The following MKLN1 variants were observed in gnomAD, a reference collection of about 807,000 sequenced individuals.
The protein encoded by MKLN1 is muskelin.
MKLN1 carries 18 observed loss-of-function variants against 99.0 expected under a neutral mutation model. The ratio of observed to expected loss-of-function variants is 0.18; its 90% CI spans 0.13 to 0.27. The LOEUF (loss-of-function observed/expected upper bound fraction) is 0.27, where lower values mean the gene tolerates loss of function less well. Among genes scored for constraint, MKLN1 ranks in the 10% least tolerant of loss-of-function variants. The probability of loss-of-function intolerance (pLI) is 1.00; values close to 1 mark genes in which losing one functional copy is unlikely to be tolerated. For synonymous variants in MKLN1, 288 were observed against 293.2 expected (o/e 0.98, Z 0.18); for missense variants, 621 against 875.9 (o/e 0.71, Z 3.67).
intron 8 of MKLN1, among the ~76,000 whole-genome samples, chr7:131,428,399 C>T (rs1435059419): frequency 6.6e-6 from 1 of 151,998 alleles, no homozygotes; most frequent in Non-Finnish European, 1.5e-5. Context: ...AAAATTTCTC[C>T]CAGTTTTTAT....
At position 131,280,679 on chromosome 7, in the gene MKLN1, C is replaced by T. The variant is rs188343039; in HGVS notation, c.-179+77705C>T. The stretch of plus-strand genomic sequence containing the variant: ...TTTTTTCTTTTTTGGGAAAGAGTCT[C>T]ACCCTGTCACCCAGGCTGGAGTGCA... On this transcript the variant is annotated intron_variant, in intron 3 of 7. Transcript: ENST00000416992. Among the ~76,000 whole-genome samples the T allele has an allele frequency of 6.9e-3, 1,042 of 150,262 alleles. 14 individuals are homozygous for T. Among genetic ancestry groups the T allele is most frequent in the African/African-American group, 0.023 (944 of 40,882 alleles).
intron 3 of MKLN1, among the ~76,000 whole-genome samples, chr7:131,248,836 G>T (rs976896482): frequency 3.3e-5 from 5 of 152,162 alleles, no homozygotes; most frequent in Admixed American, 1.3e-4. Context: ...CTGCTGAGAG[G>T]TCTCTCTTGT....
intron 1 of MKLN1, 81 bp downstream of exon 1, chr7:131,328,078 C>T: frequency 6.7e-7 from 1 of 1,496,504 alleles, no homozygotes; most frequent in Non-Finnish European, 8.9e-7. Flanking sequence ...GGAGGGCAGC[C>T]GAGCCGAGAG....
intron 2 of MKLN1, among the ~76,000 whole-genome samples, chr7:131,192,139 A>ACTG (rs374083397): frequency 2.7e-5 from 2 of 74,122 alleles, no homozygotes; most frequent in East Asian, 3.6e-4. Flanking sequence ...ATAAAAATAT[A>ACTG]TATACGTATA....
At chr7:131,373,930 T>C (rs1162127789) in intron 1 of MKLN1, among the ~76,000 whole-genome samples, 2 of 152,172 alleles carry the variant, frequency 1.3e-5, no homozygotes, top group African/African-American at 4.8e-5. Context: ...TTTCCTTGTT[T>C]TTTATTATAT....
At chr7:131,242,522 T>C (rs558298147) in intron 3 of MKLN1, 6 of 301,488 alleles carry the variant, frequency 2.0e-5, no homozygotes, top group African/African-American at 1.3e-4. Flanking sequence ...GGTGACAGAG[T>C]GTGACCCTGT....
chr7:131,293,299 T>G (rs1798248478), intron 3 of MKLN1, among the ~76,000 whole-genome samples: 2 of 152,240 alleles, frequency 1.3e-5, no homozygotes, highest in Admixed American at 6.5e-5. Context: ...CAAAATCAGC[T>G]GAGCCCAGTC....
At chr7:131,143,743 A>C (rs12539103) in intron 2 of MKLN1, among the ~76,000 whole-genome samples, 71,642 of 151,964 alleles carry the variant, frequency 0.47, 18,151 homozygotes, top group Non-Finnish European at 0.58. Flanking sequence ...CAGGAGGATC[A>C]CTTGAGACCA....
chr7:131,384,966 A>G (rs927421387), intron 2 of MKLN1, among the ~76,000 whole-genome samples: 5 of 152,218 alleles, frequency 3.3e-5, no homozygotes, highest in Non-Finnish European at 5.9e-5. Flanking sequence ...TTGAGCAACT[A>G]TCACCTCCAT....
At chr7:131,469,746 A>G (rs1459394065) in intron 15 of MKLN1, among the ~76,000 whole-genome samples, 2 of 152,228 alleles carry the variant, frequency 1.3e-5, no homozygotes, top group African/African-American at 2.4e-5. Context: ...AACGTATTAG[A>G]AATAAACCTG....
intron 3 of MKLN1, among the ~76,000 whole-genome samples, chr7:131,243,165 A>G (rs1487406908): frequency 1.3e-5 from 2 of 152,246 alleles, no homozygotes; most frequent in Admixed American, 6.5e-5. Context: ...ATTTTTAGAT[A>G]GTTCAGTTGG....
At chr7:131,262,636 C>T (rs1362287383) in intron 3 of MKLN1, among the ~76,000 whole-genome samples, 2 of 151,832 alleles carry the variant, frequency 1.3e-5, no homozygotes, top group Non-Finnish European at 2.9e-5. Context: ...CTGCAACCTC[C>T]ACCTCCTGGG....
chr7:131,336,484 A>C (rs1269476330), intron 1 of MKLN1, among the ~76,000 whole-genome samples: 1 of 151,924 alleles, frequency 6.6e-6, no homozygotes, highest in Non-Finnish European at 1.5e-5. Flanking sequence ...TGTTTGTCCT[A>C]CTTGTTCTAT....
chr7:131,275,554 TATATATATATATA>T (rs201891772), intron 3 of MKLN1, among the ~76,000 whole-genome samples: 7 of 24,652 alleles, frequency 2.8e-4, no homozygotes, highest in African/African-American at 1.3e-3. Context: ...TATATATATA[TATATATATATATA>T]TTTTTTTTTT....
chr7:131,426,797 C>T (rs980078088), intron 8 of MKLN1, among the ~76,000 whole-genome samples: 1 of 151,830 alleles, frequency 6.6e-6, no homozygotes, highest in Non-Finnish European at 1.5e-5. Flanking sequence ...CTGTGTTGCC[C>T]AGGCTGGAGT....
At chr7:131,223,079 T>A (rs992339530) in intron 3 of MKLN1, among the ~76,000 whole-genome samples, 2 of 152,110 alleles carry the variant, frequency 1.3e-5, no homozygotes, top group East Asian at 3.9e-4. Context: ...TAACAAGCAC[T>A]ATGCTATCTT....
At chr7:131,463,979 AC>A (rs1472405442) in intron 13 of MKLN1, among the ~76,000 whole-genome samples, 8 of 152,200 alleles carry the variant, frequency 5.3e-5, no homozygotes, top group South Asian at 4.1e-4. Context: ...AGCAATGTAT[AC>A]TGTACATTTT....
chr7:131,380,781 C>T (rs1793821468), intron 2 of MKLN1, among the ~76,000 whole-genome samples: 1 of 152,162 alleles, frequency 6.6e-6, no homozygotes, highest in Admixed American at 6.5e-5. Flanking sequence ...TTCCCATAAT[C>T]ATACGGTAAT....
At chr7:131,309,435 T>C (rs981723183) in intron 3 of MKLN1, among the ~76,000 whole-genome samples, 1 of 152,032 alleles carries the variant, frequency 6.6e-6, no homozygotes, top group Non-Finnish European at 1.5e-5. Context: ...AGTTTCACTC[T>C]TGTCACCCAT....
Sources: gnomAD v4.1 joint callset for allele counts (sites outside exome capture counted in the v4.1 genomes callset) on GRCh38, gnomAD v4.1.1 for gene constraint, MANE v1.5 for transcripts, NCBI Gene and HGNC (gene_info 2026-07-23, HGNC 2026-07-21) for gene names.